Variants in DSCAML1 observed in about 807,000 individuals in gnomAD.
DSCAML1 encodes the protein DS cell adhesion molecule like 1.
DSCAML1 carries 38 observed loss-of-function variants against 200.5 expected under a neutral mutation model. The ratio of observed to expected loss-of-function variants is 0.19; its 90% CI spans 0.15 to 0.25. DSCAML1 has a LOEUF of 0.25. Ranked by LOEUF, DSCAML1 falls within the 10% of genes least tolerant of loss-of-function variation. The pLI, the probability that DSCAML1 is intolerant of heterozygous loss-of-function variation, is 1.00. For missense variants in DSCAML1, 2,223 were observed against 2,858.8 expected (o/e 0.78, Z 5.07); for synonymous variants, 1,215 against 1,165.0 (o/e 1.04, Z -0.87).
At chr11:117,450,219 G>A (rs1400170603) in intron 20 of DSCAML1, among the ~76,000 whole-genome samples, 1 of 152,204 alleles carries the variant, frequency 6.6e-6, no homozygotes. Context: ...GACCAGCCTG[G>A]GGACCTGCTG....
rs2049436642 is a variant in DSCAML1 at position 117,503,550 on chromosome 11, A to G, written c.2359+295T>C. ...TAGGATTATTCAGATCGAATCGCCA[A>G]TCTACAGACCAAAGTAAACAGGATG... On this transcript the variant is annotated intron_variant, in intron 11 of 32. Coordinates refer to ENST00000651296, the MANE Select transcript of DSCAML1 (RefSeq NM_020693.4). This position sits in a 1 kb window ranked among gnomAD's most constrained non-coding sequence, Gnocchi z 5.2. Among the ~76,000 whole-genome samples the G allele has an allele frequency of 6.6e-6, 1 of 152,250 alleles. No homozygotes were observed. Among genetic ancestry groups the G allele is most frequent in the African/African-American group, 2.4e-5 (1 of 41,466 alleles).
In DSCAML1 at chr11:117,521,332, G is replaced by A; in HGVS notation, c.1011C>T (p.Ala337=). The A allele has an allele frequency of 1.2e-6, 2 of 1,614,210 alleles. No homozygotes were observed. The highest frequency in any genetic ancestry group is 1.7e-6 in the Non-Finnish European group (2 of 1,180,040). ...TGGTGAACTCTGGGGAGCCCGTCAG[G>A]GCACAGGAGAGGATGACCGTGCTGC... ...GIGSTVILSC[A]LTGSPEFTIR... Residue 337 remains alanine (A), a synonymous_variant, in exon 6 of 33, where the codon GCC becomes GCT. Coordinates refer to ENST00000651296, the MANE Select transcript of DSCAML1 (RefSeq NM_020693.4).
In DSCAML1 at chr11:117,439,549, G is replaced by T. The variant is rs981770414; in HGVS notation, c.3981-120C>A. 4.5e-6 allele frequency: 6 copies of T among 1,326,192 alleles called. No homozygotes were observed. In the African/African-American group the frequency reaches 8.7e-5, roughly 19 times the overall value. 82.2% of individuals were successfully genotyped at this position (1,326,192 alleles called of 1,614,324 possible). On this transcript the variant is annotated intron_variant, in intron 22 of 32. Transcript: ENST00000651296. ...GAAGGAGGCTCGCCAGGGAACGCCG[G>T]GTTCTTGGGGCTTTGCTCAGCACTC...
chr11:117,640,217 G>C (rs2052378214), intron 3 of DSCAML1, among the ~76,000 whole-genome samples: 1 of 152,148 alleles, frequency 6.6e-6, no homozygotes, highest in South Asian at 2.1e-4. Context: ...ACTCCCACCT[G>C]GCAAACCCGC....
At chr11:117,639,229 G>A (rs1012152515) in intron 3 of DSCAML1, among the ~76,000 whole-genome samples, 2 of 151,776 alleles carry the variant, frequency 1.3e-5, no homozygotes, top group Admixed American at 6.6e-5. Context: ...GCATGGGTGG[G>A]AGGCTGGATG....
At chr11:117,607,545 C>G (rs2051593222) in intron 3 of DSCAML1, among the ~76,000 whole-genome samples, 1 of 152,218 alleles carries the variant, frequency 6.6e-6, no homozygotes, top group Non-Finnish European at 1.5e-5. Flanking sequence ...GGACTAGCTA[C>G]AGAGGTGCAG....
At chr11:117,650,617 C>T (rs1376335877) in intron 3 of DSCAML1, among the ~76,000 whole-genome samples, 1 of 151,824 alleles carries the variant, frequency 6.6e-6, no homozygotes, top group Non-Finnish European at 1.5e-5. Context: ...TGATCTGAGG[C>T]TGCCCTTGGA....
Position 117,450,579 on chromosome 11 carries a change from G to T in DSCAML1, c.3678C>A (p.Ile1226=). 6.2e-7 allele frequency: 1 copy of T among 1,614,224 alleles called. No individual in the cohort carries two copies. Among genetic ancestry groups the T allele is most frequent in the South Asian group, 1.1e-5 (1 of 91,074 alleles). ...KPNGVIRKYT[I]FCSSPGSGQP... ...GGCCAGACCCGGGGCTGGAACAGAA[G>T]ATGGTGTACTTGCGGATCACCCCGT... Residue 1226 remains isoleucine (I), a synonymous_variant, in exon 20 of 33, where the codon ATC becomes ATA. Coordinates refer to ENST00000651296, the MANE Select transcript of DSCAML1 (RefSeq NM_020693.4).
At chr11:117,685,259 G>T (rs2053385171) in intron 3 of DSCAML1, among the ~76,000 whole-genome samples, 1 of 152,242 alleles carries the variant, frequency 6.6e-6, no homozygotes, top group Non-Finnish European at 1.5e-5. Context: ...ATGAAGCTCA[G>T]ACAGGCTGTG....
rs1327671641 is a variant in DSCAML1, at chr11:117,769,271, T to TA, written c.511+7519_511+7520insT. ...ATGTATATATTATATATTTTATATA[T>TA]TTATATATTATATATTTTATATATT... On this transcript the variant is annotated intron_variant, in intron 3 of 32. Transcript: ENST00000651296. Among the ~76,000 whole-genome samples the TA allele has an allele frequency of 9.3e-3, 21 of 2,260 alleles. 5 individuals carry two copies. Among genetic ancestry groups the TA allele is most frequent in the Admixed American group, 0.03 (2 of 66 alleles). 1.5% of individuals were successfully genotyped at this position (2,260 alleles called of 152,430 possible).
At chr11:117,736,487 T>C (rs535320841) in intron 3 of DSCAML1, among the ~76,000 whole-genome samples, 1 of 152,288 alleles carries the variant, frequency 6.6e-6, no homozygotes, top group South Asian at 2.1e-4. Context: ...AAACCAACCC[T>C]GGTGCAAAAT....
At chr11:117,742,678 G>C (rs1281685621) in intron 3 of DSCAML1, among the ~76,000 whole-genome samples, 3 of 152,170 alleles carry the variant, frequency 2.0e-5, no homozygotes, top group East Asian at 3.9e-4. Context: ...TGAGTTCCAG[G>C]TAATTGGTTT....
At chr11:117,587,374 C>A (rs1177069758) in intron 3 of DSCAML1, among the ~76,000 whole-genome samples, 1 of 151,830 alleles carries the variant, frequency 6.6e-6, no homozygotes, top group African/African-American at 2.4e-5. Context: ...CCGCAGGGCT[C>A]GGATGCTGCA....
Position 117,483,073 on chromosome 11 carries a change from A to G in DSCAML1, c.2360-911T>C, listed in dbSNP as rs150104294. ...GGAAGCCCCCGTCCCTACTGCTCAG[A>G]CAAGAAGCCTGTCAATCACCGGCCC... On this transcript the variant is annotated intron_variant, in intron 11 of 32. Transcript: ENST00000651296. 1.3e-4 allele frequency among the ~76,000 whole-genome samples: 20 copies of G among 152,342 alleles called. No homozygotes were observed. In the East Asian group the frequency reaches 1.9e-3, roughly 15 times the overall value.
Position 117,505,441 on chromosome 11 carries a change from T to TGTCCC in DSCAML1, c.2062+8_2062+12dup. 1.9e-6 allele frequency: 3 copies of TGTCCC among 1,605,180 alleles called. No homozygotes were observed. Among genetic ancestry groups the TGTCCC allele is most frequent in the Non-Finnish European group, 2.5e-6 (3 of 1,178,096 alleles). ...GCTCCTCCCTCCCCTGAGGCTGGCCTGTCCCTGCTCACCACGCACGATGAG... is the reference window on the plus strand; with the variant it reads ...GCTCCTCCCTCCCCTGAGGCTGGCCTGTCCCGTCCCTGCTCACCACGCACGATGAG... On this transcript the variant is annotated intron_variant, in intron 9 of 32. Coordinates refer to ENST00000651296, the MANE Select transcript of DSCAML1 (RefSeq NM_020693.4). The surrounding 1 kb of genome is among the most constrained non-coding windows in gnomAD (Gnocchi z 6.7).
chr11:117,613,864 C>T (rs2137536269), intron 3 of DSCAML1, among the ~76,000 whole-genome samples: 1 of 152,140 alleles, frequency 6.6e-6, no homozygotes, highest in East Asian at 1.9e-4. Context: ...GTCTTGGCTG[C>T]AAGCAGCCTC....
In DSCAML1 at chr11:117,433,316, C is replaced by A. The variant is rs2047842055; in HGVS notation, c.4908-60G>T. ...AGCCATAAGGGGTTGGGGAAGGGGG[C>A]TCTGCAGGACAGTGGGATTTTAGAA... is the stretch of plus-strand genomic sequence containing the variant. On this transcript the variant is annotated intron_variant, in intron 28 of 32. Coordinates refer to ENST00000651296, the MANE Select transcript of DSCAML1 (RefSeq NM_020693.4). 4.5e-6 allele frequency: 7 copies of A among 1,560,526 alleles called. No individual in the cohort carries two copies. In the South Asian group the frequency reaches 8.3e-5, roughly 19 times the overall value.
chr11:117,628,677 G>T (rs1727022792), intron 3 of DSCAML1, among the ~76,000 whole-genome samples: 1 of 152,184 alleles, frequency 6.6e-6, no homozygotes, highest in Non-Finnish European at 1.5e-5. Flanking sequence ...TTGCATTGTG[G>T]TGAAGGGTAT....
chr11:117,810,077 A>G (rs528510358), intron 1 of DSCAML1, among the ~76,000 whole-genome samples: 3 of 152,224 alleles, frequency 2.0e-5, no homozygotes, highest in Admixed American at 6.5e-5. Context: ...TCACTTACAC[A>G]TTCGCACACA....
Sources: gnomAD v4.1 joint callset for allele counts (sites outside exome capture counted in the v4.1 genomes callset) on GRCh38, gnomAD v4.1.1 for gene constraint, Gnocchi (gnomAD v3.1) non-coding constraint, MANE v1.5 for transcripts, NCBI Gene and HGNC (gene_info 2026-07-23, HGNC 2026-07-21) for gene names.